EPHB3: variants seen among roughly 807,000 people sequenced by gnomAD.
EPHB3 encodes EPH receptor B3.
In EPHB3, 33 loss-of-function variants were observed where a neutral mutation model predicts 100.2. The observed-to-expected ratio is 0.33, with a 90% CI of 0.25 to 0.44. EPHB3 has a LOEUF of 0.44. Among genes scored for constraint, EPHB3 ranks in the 20% least tolerant of loss-of-function variants. EPHB3 has a pLI of 1.00. For missense variants in EPHB3, 1,045 were observed against 1,378.3 expected, an observed-to-expected ratio of 0.76 and a Z score of 3.83; for synonymous variants, 526 against 554.7, an observed-to-expected ratio of 0.95 and a Z score of 0.73.
At position 184,581,511 on chromosome 3, in the gene EPHB3, C is replaced by T; in HGVS notation, c.2889-3C>T. The T allele has an allele frequency of 6.2e-7, 1 of 1,612,288 alleles. No individual in the cohort carries two copies. The highest frequency in any genetic ancestry group is 8.5e-7 in the Non-Finnish European group (1 of 1,179,130). ...ACTGATCCTAATTTGGCTCCACCTG[C>T]AGAGACCTGCTCCGTATTGGGGTCA... On this transcript the variant is annotated splice_region_variant and splice_polypyrimidine_tract_variant and intron_variant, in intron 15 of 15. Coordinates refer to ENST00000330394, the MANE Select transcript of EPHB3 (RefSeq NM_004443.4).
chr3:184,572,485 T>A lies in EPHB3; in HGVS notation c.184-19T>A. The stretch of plus-strand genomic sequence containing the variant: ...AAATGCAGGCATTCACTCTGTCTTT[T>A]TCATTGGTCCATGCACAGTGGGAAG... On this transcript the variant is annotated intron_variant, in intron 2 of 15. Transcript: ENST00000330394. The surrounding 1 kb of genome is among the most constrained non-coding windows in gnomAD (Gnocchi z 6.6). 6.5e-7 allele frequency: 1 copy of A among 1,536,956 alleles called. No individual in the cohort carries two copies. The highest frequency in any genetic ancestry group is 8.7e-7 in the Non-Finnish European group (1 of 1,149,262).
Position 184,572,451 on chromosome 3 carries a change from G to A in EPHB3, c.184-53G>A, listed in dbSNP as rs1251033131. 1.3e-6 allele frequency: 2 copies of A among 1,517,218 alleles called. No individual in the cohort carries two copies. Among genetic ancestry groups the A allele is most frequent in the Non-Finnish European group, 8.8e-7 (1 of 1,139,076 alleles). The allele number at this position is 1,517,218 out of a possible 1,614,324, so 94.0% of individuals were successfully genotyped here. ...TAGAGCAGATCTGGGCACGAGGGAA[G>A]CACTTGGCAAATGCAGGCATTCACT... On this transcript the variant is annotated intron_variant, in intron 2 of 15. Coordinates refer to ENST00000330394, the MANE Select transcript of EPHB3 (RefSeq NM_004443.4). This position sits in a 1 kb window ranked among gnomAD's most constrained non-coding sequence, Gnocchi z 6.6.
Position 184,579,937 on chromosome 3 carries a change from A to G in EPHB3, c.2172+3A>G, listed in dbSNP as rs1303202922. 3.7e-6 allele frequency: 6 copies of G among 1,612,234 alleles called. No homozygotes were observed. The highest frequency in any genetic ancestry group is 5.1e-6 in the Non-Finnish European group (6 of 1,179,234). On this transcript the variant is annotated splice_donor_region_variant and intron_variant, in intron 11 of 15. Transcript: ENST00000330394. The surrounding 1 kb of genome is among the most constrained non-coding windows in gnomAD (Gnocchi z 5.2). ...GCGCCCTGGACTCCTTCCTCCGGGT[A>G]AGAGCCAGCCCCCAGGCCCTCTCCC... is the stretch of plus-strand genomic sequence containing the variant.
In EPHB3 at chr3:184,572,176, G is replaced by T. The variant is rs1381928735; in HGVS notation, c.184-328G>T. Among the ~76,000 whole-genome samples the T allele has an allele frequency of 6.6e-6, 1 of 152,192 alleles. No individual in the cohort carries two copies. The highest frequency in any genetic ancestry group is 2.1e-4 in the South Asian group (1 of 4,826). ...ACAGATGACAAAACTGAGGTATAAA[G>T]ATAACAAATATAGCTGATGTTCCTG... On this transcript the variant is annotated intron_variant, in intron 2 of 15. Coordinates refer to ENST00000330394, the MANE Select transcript of EPHB3 (RefSeq NM_004443.4). The surrounding 1 kb of genome is among the most constrained non-coding windows in gnomAD (Gnocchi z 6.6).
At position 184,579,055 on chromosome 3, in the gene EPHB3, C is replaced by G. The variant is rs1714753185; in HGVS notation, c.1802-422C>G. Among the ~76,000 whole-genome samples, 2 of 152,032 alleles carry G rather than the reference C, an allele frequency of 1.3e-5. No homozygotes were observed. Among genetic ancestry groups the G allele is most frequent in the Admixed American group, 1.3e-4 (2 of 15,264 alleles). ...CAGAGGAGTCTGGACTTGACTCCACCATAGGTAATTGGAAAGGCTCTCAAG... is the reference window on the plus strand; with the variant it reads ...CAGAGGAGTCTGGACTTGACTCCACGATAGGTAATTGGAAAGGCTCTCAAG... On this transcript the variant is annotated intron_variant, in intron 9 of 15. Coordinates refer to ENST00000330394, the MANE Select transcript of EPHB3 (RefSeq NM_004443.4). This position sits in a 1 kb window ranked among gnomAD's most constrained non-coding sequence, Gnocchi z 5.2.
rs1259683757 is a variant in EPHB3 at position 184,571,811 on chromosome 3, G to T, written c.183+429G>T. Reference sequence around the variant, plus strand: ...ACTTCTTGACTGTTAAATTCCCGCAGTCCGGACCTCTCTCACATATTCTAA... The same window carrying T: ...ACTTCTTGACTGTTAAATTCCCGCATTCCGGACCTCTCTCACATATTCTAA... On this transcript the variant is annotated intron_variant, in intron 2 of 15. Transcript: ENST00000330394. This position sits in a 1 kb window ranked among gnomAD's most constrained non-coding sequence, Gnocchi z 5.0. 6.6e-6 allele frequency among the ~76,000 whole-genome samples: 1 copy of T among 152,074 alleles called. No homozygotes were observed. The highest frequency in any genetic ancestry group is 1.5e-5 in the Non-Finnish European group (1 of 68,020).
chr3:184,581,350 G>A lies in EPHB3; in HGVS notation c.2830G>A (p.Glu944Lys). Residue 944 changes from glutamate (E) to lysine (K), a missense_variant, in exon 15 of 16, where the codon GAG (glutamate) becomes AAG (lysine). Transcript: ENST00000330394. The stretch of plus-strand genomic sequence containing the variant: ...TGCCATCAAGATGGGGCGGTACAAG[G>A]AGAGCTTCGTCAGTGCGGGGTTTGC... ...LDAIKMGRYK[E>K]SFVSAGFASF... The A allele has an allele frequency of 6.2e-7, 1 of 1,609,726 alleles. No individual in the cohort carries two copies. The highest frequency in any genetic ancestry group is 8.5e-7 in the Non-Finnish European group (1 of 1,177,632).
At position 184,562,401 on chromosome 3, in the gene EPHB3, C is replaced by T. The variant is rs1439500822; in HGVS notation, c.118+48C>T. On this transcript the variant is annotated intron_variant, in intron 1 of 15. Coordinates refer to ENST00000330394, the MANE Select transcript of EPHB3 (RefSeq NM_004443.4). This position sits in a 1 kb window ranked among gnomAD's most constrained non-coding sequence, Gnocchi z 4.8. ...CCCGGGAACAAGGTGCCTGGGGTCG[C>T]GGGGCTGCGGGCTAGCAGCGTGGGT... The T allele has an allele frequency of 8.4e-7, 1 of 1,189,702 alleles. No homozygotes were observed. Among genetic ancestry groups the T allele is most frequent in the Admixed American group, 4.5e-5 (1 of 22,042 alleles). 73.7% of individuals were successfully genotyped at this position (1,189,702 alleles called of 1,614,324 possible). A position where few individuals can be genotyped will look rare whatever the true frequency, so the allele number is the denominator to read the frequency against.
chr3:184,568,930 A>AGCCTCCCT (rs1489977217), intron 1 of EPHB3, among the ~76,000 whole-genome samples: 2 of 147,508 alleles, frequency 1.4e-5, no homozygotes, highest in South Asian at 4.4e-4. Context: ...AGAAATGAAG[A>AGCCTCCCT]GCCTCCCTGC....
At chr3:184,575,173 A>T in intron 3 of EPHB3, 5 of 985,406 alleles carry the variant, frequency 5.1e-6, no homozygotes, top group Non-Finnish European at 6.0e-6. Flanking sequence ...GGGAGAAGGG[A>T]TGCTCAGGCC....
At position 184,573,578 on chromosome 3, in the gene EPHB3, A is replaced by C. The variant is rs114189191; in HGVS notation, c.856+402A>C. Among the ~76,000 whole-genome samples the C allele has an allele frequency of 6.7e-6, 1 of 149,386 alleles. No homozygotes were observed. The highest frequency in any genetic ancestry group is 1.5e-5 in the Non-Finnish European group (1 of 67,364). On this transcript the variant is annotated intron_variant, in intron 3 of 15. Coordinates refer to ENST00000330394, the MANE Select transcript of EPHB3 (RefSeq NM_004443.4). The surrounding 1 kb of genome is among the most constrained non-coding windows in gnomAD (Gnocchi z 4.5). ...GGCCAAGGGCACGGGGGCTGTGGGT[A>C]CCTTGTGCATGGCTTTTTACCCTGG...
rs1382856577 is a variant in EPHB3, at chr3:184,569,519, TC to T, written c.119-1796del. ...GCCCCGGCTTCTGAGCATCTCGGCT[TC>T]CCTCGAGTACCCCCCAGGCCGAATG... On this transcript the variant is annotated intron_variant, in intron 1 of 15. Transcript: ENST00000330394. This position sits in a 1 kb window ranked among gnomAD's most constrained non-coding sequence, Gnocchi z 5.4. Among the ~76,000 whole-genome samples, 3 of 152,114 alleles carry T rather than the reference TC, an allele frequency of 2.0e-5. No homozygotes were observed. Among genetic ancestry groups the T allele is most frequent in the Non-Finnish European group, 2.9e-5 (2 of 68,010 alleles).
At chr3:184,566,803 G>A (rs563645682) in intron 1 of EPHB3, among the ~76,000 whole-genome samples, 15 of 152,364 alleles carry the variant, frequency 9.8e-5, no homozygotes, top group African/African-American at 3.6e-4. Context: ...AATTTGGGCT[G>A]AAGCCTTGCT....
At chr3:184,576,516 G>C (rs1474193164) in intron 4 of EPHB3, among the ~76,000 whole-genome samples, 1 of 152,214 alleles carries the variant, frequency 6.6e-6, no homozygotes, top group Non-Finnish European at 1.5e-5. Context: ...ACAACCTGGT[G>C]GGAGAAATAG....
Position 184,576,855 on chromosome 3 carries a change from AC to A in EPHB3, c.1030del (p.Arg344GlufsTer3). 2 of 1,545,986 alleles carry A rather than the reference AC, an allele frequency of 1.3e-6. No individual in the cohort carries two copies. Among genetic ancestry groups the A allele is most frequent in the Non-Finnish European group, 1.8e-6 (2 of 1,142,124 alleles). On this transcript the variant is annotated frameshift_variant, in exon 5 of 16. Transcript: ENST00000330394. LOFTEE classifies it high-confidence loss of function. ...TATTCCTCACAGCCGTGCCATCTCC[AC>A]CCCGAGGTGTGATCTCCAATGTGAA... is the stretch of plus-strand genomic sequence containing the variant. ...DSACTTVPSP[P>X]RGVISNVNET...
rs1577525179 is a variant in EPHB3, at chr3:184,571,458, C to T, written c.183+76C>T. On this transcript the variant is annotated intron_variant, in intron 2 of 15. Coordinates refer to ENST00000330394, the MANE Select transcript of EPHB3 (RefSeq NM_004443.4). This position sits in a 1 kb window ranked among gnomAD's most constrained non-coding sequence, Gnocchi z 5.0. ...CCCACTTCCAGCCTCCGTGCCCCCT[C>T]ATCTCACCAGGGCCTGGAGGAGGGC... 27 of 1,524,702 alleles carry T rather than the reference C, an allele frequency of 1.8e-5. No individual in the cohort carries two copies. The East Asian group carries it at 5.9e-4, about 33-fold the overall frequency. The allele number at this position is 1,524,702 out of a possible 1,614,324, so 94.4% of individuals were successfully genotyped here.
rs945605342 is a variant in EPHB3, at chr3:184,575,768, G to T, written c.857-62G>T. ...GGAGAAGCCAGGTTCTCATGGAGCT[G>T]CGGAGGTCTGGTGTCTGCAGGGAAG... On this transcript the variant is annotated intron_variant, in intron 3 of 15. Coordinates refer to ENST00000330394, the MANE Select transcript of EPHB3 (RefSeq NM_004443.4). 6.0e-6 allele frequency: 9 copies of T among 1,509,732 alleles called. No homozygotes were observed. The African/African-American group carries it at 1.3e-4, about 21-fold the overall frequency. The allele number at this position is 1,509,732 out of a possible 1,614,324, so 93.5% of individuals were successfully genotyped here. A position where few individuals can be genotyped will look rare whatever the true frequency, so the allele number is the denominator to read the frequency against.
rs1397672972 is a variant in EPHB3 at position 184,571,733 on chromosome 3, T to A, written c.183+351T>A. Among the ~76,000 whole-genome samples, 1 of 152,206 alleles carries A rather than the reference T, an allele frequency of 6.6e-6. No individual in the cohort carries two copies. Among genetic ancestry groups the A allele is most frequent in the Non-Finnish European group, 1.5e-5 (1 of 68,036 alleles). ...CTGGCTTGGAAACCTTAGTTCCAGA[T>A]CTTTAACTTGCTGTGTGACCTTGGG... On this transcript the variant is annotated intron_variant, in intron 2 of 15. Transcript: ENST00000330394. The surrounding 1 kb of genome is among the most constrained non-coding windows in gnomAD (Gnocchi z 5.0).
At position 184,578,551 on chromosome 3, in the gene EPHB3, T is replaced by C. The variant is rs889605028; in HGVS notation, c.1801+85T>C. On this transcript the variant is annotated intron_variant, in intron 9 of 15. Coordinates refer to ENST00000330394, the MANE Select transcript of EPHB3 (RefSeq NM_004443.4). The surrounding 1 kb of genome is among the most constrained non-coding windows in gnomAD (Gnocchi z 4.7). ...ACCCTTCTCCCTGCCTGGGACTTCA[T>C]TCCTTAGAGATAAACCCTGAATGCC... The C allele has an allele frequency of 3.6e-5, 57 of 1,567,654 alleles. No homozygotes were observed. In the African/African-American group the frequency reaches 7.0e-4, roughly 19 times the overall value.
Sources: gnomAD v4.1 joint callset for allele counts (sites outside exome capture counted in the v4.1 genomes callset) on GRCh38, gnomAD v4.1.1 for gene constraint, Gnocchi (gnomAD v3.1) non-coding constraint, MANE v1.5 for transcripts, NCBI Gene and HGNC (gene_info 2026-07-23, HGNC 2026-07-21) for gene names.